The following LAMA4 variants were observed in gnomAD, a reference collection of about 807,000 sequenced individuals.
LAMA4 encodes laminin subunit alpha-4.
A neutral mutation model predicts 207.1 loss-of-function variants in LAMA4; 127 were observed. The observed-to-expected ratio is 0.61, with a 90% CI of 0.53 to 0.71. LAMA4 has a LOEUF of 0.71. Among genes scored for constraint, LAMA4 ranks in the 30% least tolerant of loss-of-function variants. The pLI is 0.00. For synonymous variants in LAMA4, 761 were observed against 816.0 expected, an observed-to-expected ratio of 0.93 and a Z score of 1.15; for missense variants, 2,093 against 2,246.5, an observed-to-expected ratio of 0.93 and a Z score of 1.38.
rs572290251 is a variant in LAMA4 at position 112,243,188 on chromosome 6, C to A, written c.195+10768G>T. Among the ~76,000 whole-genome samples, 157 of 152,238 alleles carry A rather than the reference C, an allele frequency of 1.0e-3. 1 individual carries two copies. The highest frequency in any genetic ancestry group is 3.5e-3 in the African/African-American group (144 of 41,548). On this transcript the variant is annotated intron_variant, in intron 2 of 38. Transcript: ENST00000230538. Reference sequence around the variant, plus strand: ...TCTGGGAAGCCTCATTGTTGTGTCACCTTGGAGAGGCTCATGTCTGTGGCT... The same window carrying A: ...TCTGGGAAGCCTCATTGTTGTGTCAACTTGGAGAGGCTCATGTCTGTGGCT...
In LAMA4 at chr6:112,173,843, A is replaced by G. The variant is rs77199140; in HGVS notation, c.1358-1039T>C. Among the ~76,000 whole-genome samples, 1,263 of 152,336 alleles carry G rather than the reference A, an allele frequency of 8.3e-3. 5 individuals carry two copies. The highest frequency in any genetic ancestry group is 0.015 in the Admixed American group (222 of 15,304). On this transcript the variant is annotated intron_variant, in intron 11 of 38. Transcript: ENST00000230538. ...TCATTAGTCCCTTTGTAATCTAATGAAGCCTTCAGACTGCTTCTTAGAGTG... is the reference window on the plus strand; with the variant it reads ...TCATTAGTCCCTTTGTAATCTAATGGAGCCTTCAGACTGCTTCTTAGAGTG...
chr6:112,227,202 CT>C (rs1242273997), intron 2 of LAMA4, among the ~76,000 whole-genome samples: 2 of 152,034 alleles, frequency 1.3e-5, no homozygotes, highest in African/African-American at 4.8e-5. Flanking sequence ...TCCTGAGTAG[CT>C]GGGATTACAG....
At chr6:112,137,749 T>C (rs1359571826) in intron 24 of LAMA4, among the ~76,000 whole-genome samples, 1 of 152,260 alleles carries the variant, frequency 6.6e-6, no homozygotes, top group Non-Finnish European at 1.5e-5. Flanking sequence ...TGCTGGCTAC[T>C]TCCTACAAAT....
chr6:112,181,821 G>A (rs1339751926), intron 9 of LAMA4, among the ~76,000 whole-genome samples: 2 of 152,128 alleles, frequency 1.3e-5, no homozygotes, highest in Admixed American at 1.3e-4. Flanking sequence ...GTCACAGGCC[G>A]GGCGCGGTGG....
intron 12 of LAMA4, chr6:112,172,057 C>T (rs78342329): frequency 0.03 from 4,748 of 159,538 alleles, 232 homozygotes; most frequent in African/African-American, 0.11. Flanking sequence ...ATGACCACTA[C>T]CAGTTCTCAG....
intron 18 of LAMA4, among the ~76,000 whole-genome samples, chr6:112,146,154 G>A (rs1554334464): frequency 6.6e-6 from 1 of 152,056 alleles, no homozygotes; most frequent in African/African-American, 2.4e-5. Context: ...TCCAGGTATG[G>A]TGGTGCACGC....
At chr6:112,228,836 A>C (rs1554363553) in intron 2 of LAMA4, among the ~76,000 whole-genome samples, 1 of 152,184 alleles carries the variant, frequency 6.6e-6, no homozygotes, top group East Asian at 1.9e-4. Context: ...TTTGGGCATC[A>C]GTCTCTTGAG....
intron 11 of LAMA4, among the ~76,000 whole-genome samples, chr6:112,174,002 T>C (rs1371516658): frequency 8.5e-5 from 13 of 152,268 alleles, no homozygotes; most frequent in Admixed American, 8.5e-4. Context: ...GTGGATCTAA[T>C]AGTTACCATA....
At chr6:112,193,727 A>C (rs911857912) in intron 5 of LAMA4, among the ~76,000 whole-genome samples, 1 of 152,202 alleles carries the variant, frequency 6.6e-6, no homozygotes, top group Non-Finnish European at 1.5e-5. Flanking sequence ...TCAGTTTTCC[A>C]GGGTCACATA....
chr6:112,243,801 C>T (rs6909113), intron 2 of LAMA4, among the ~76,000 whole-genome samples: 127,085 of 152,180 alleles, frequency 0.84, 53,146 homozygotes, highest in Admixed American at 0.88. Context: ...CTCATGCATG[C>T]AATCCCAGCA....
chr6:112,185,518 G>A (rs1254725142), intron 8 of LAMA4, among the ~76,000 whole-genome samples, 171 bp from the exon 9 acceptor site: 2 of 152,140 alleles, frequency 1.3e-5, no homozygotes, highest in African/African-American at 4.8e-5. Context: ...GTCTGCAGAG[G>A]GGACTGAGGC....
intron 12 of LAMA4, among the ~76,000 whole-genome samples, chr6:112,168,736 A>G (rs1781544040): frequency 6.6e-6 from 1 of 151,874 alleles, no homozygotes; most frequent in African/African-American, 2.4e-5. Flanking sequence ...GCAGGGATAT[A>G]TATGTGTGTG....
chr6:112,183,677 G>A (rs1386090120), intron 9 of LAMA4, among the ~76,000 whole-genome samples: 1 of 152,074 alleles, frequency 6.6e-6, no homozygotes, highest in Non-Finnish European at 1.5e-5. Flanking sequence ...AAGGCTGGGC[G>A]TGGTGGTTCA....
intron 18 of LAMA4, among the ~76,000 whole-genome samples, chr6:112,147,547 G>A (rs1006897688): frequency 1.3e-5 from 2 of 152,170 alleles, no homozygotes; most frequent in Middle Eastern, 3.2e-3. Context: ...AAAAATGTGA[G>A]AATGGAAAAA....
intron 38 of LAMA4, among the ~76,000 whole-genome samples, chr6:112,113,068 A>C (rs1422745137): frequency 6.6e-6 from 1 of 152,218 alleles, no homozygotes; most frequent in Non-Finnish European, 1.5e-5. Context: ...ATACAAAAAT[A>C]CAGTTAGATA....
Position 112,133,015 on chromosome 6 carries a change from T to A in LAMA4, c.3697-125A>T, listed in dbSNP as rs558759807. The A allele has an allele frequency of 8.8e-6, 9 of 1,017,380 alleles. No homozygotes were observed. The East Asian group carries it at 1.7e-4, about 19-fold the overall frequency. The allele number at this position is 1,017,380 out of a possible 1,614,324, so 63.0% of individuals were successfully genotyped here. On this transcript the variant is annotated intron_variant, in intron 27 of 38. Transcript: ENST00000230538. ...CGTAAATAGTTTATTTTCCCACTTC[T>A]GGTCTATGTTGGAATTCAGGCATAC...
chr6:112,125,141 C>T (rs1778613760), intron 31 of LAMA4, among the ~76,000 whole-genome samples: 1 of 152,210 alleles, frequency 6.6e-6, no homozygotes, highest in South Asian at 2.1e-4. Context: ...TCAAGGCACT[C>T]CCTTTCTGGA....
intron 26 of LAMA4, 32 bp downstream of exon 26, chr6:112,134,435 G>T: frequency 6.2e-7 from 1 of 1,611,490 alleles, no homozygotes; most frequent in Non-Finnish European, 8.5e-7. Flanking sequence ...TACATTGCTA[G>T]GAACAAACAG....
At chr6:112,140,458 A>G (rs1405913808) in intron 22 of LAMA4, among the ~76,000 whole-genome samples, 1 of 152,208 alleles carries the variant, frequency 6.6e-6, no homozygotes, top group African/African-American at 2.4e-5. Flanking sequence ...TGGTGACACC[A>G]CAAGCTACGG....
Sources: allele counts gnomAD v4.1 joint callset (sites outside exome capture counted in the v4.1 genomes callset), GRCh38; gene constraint gnomAD v4.1.1; transcripts MANE v1.5; gene names NCBI Gene and HGNC (gene_info 2026-07-23, HGNC 2026-07-21).